SIRPD: variants seen among roughly 807,000 people sequenced by gnomAD.
SIRPD encodes signal regulatory protein delta.
In SIRPD, 21 loss-of-function variants were observed where a neutral mutation model predicts 18.0. The observed-to-expected ratio is 1.17, with a 90% CI of 0.83 to 1.68. The LOEUF (loss-of-function observed/expected upper bound fraction) is 1.68. Among genes scored for constraint, SIRPD ranks in the 40% most tolerant of loss-of-function variants. The pLI is 0.00. For synonymous variants in SIRPD, 106 were observed against 92.9 expected (o/e 1.14, Z -0.81); for missense variants, 295 against 238.4 (o/e 1.24, Z -1.56).
chr20:1,549,265 T>A (rs1290138306), intron 2 of SIRPD, among the ~76,000 whole-genome samples: 1 of 152,212 alleles, frequency 6.6e-6, no homozygotes, highest in Non-Finnish European at 1.5e-5. Context: ...TATTTAATCA[T>A]GGTTTGTTTA....
chr20:1,537,348 A>T, intron 2 of SIRPD, 38 bp from the exon 3 acceptor site: 2 of 1,593,052 alleles, frequency 1.3e-6, no homozygotes, highest in Non-Finnish European at 8.6e-7. Flanking sequence ...CCATGATATA[A>T]GAGGAAGTTA....
At chr20:1,549,349 A>T (rs923861483) in intron 2 of SIRPD, among the ~76,000 whole-genome samples, 1 of 148,822 alleles carries the variant, frequency 6.7e-6, no homozygotes, top group African/African-American at 2.5e-5. Flanking sequence ...TCTGATGGCC[A>T]TAACAAGCAG....
intron 1 of SIRPD, among the ~76,000 whole-genome samples, chr20:1,555,349 C>T (rs1057142736): frequency 6.6e-6 from 1 of 152,024 alleles, no homozygotes; most frequent in Non-Finnish European, 1.5e-5. Flanking sequence ...GAGAGTTGGA[C>T]AAGGAAATGG....
intron 2 of SIRPD, among the ~76,000 whole-genome samples, chr20:1,546,102 A>G (rs562004089): frequency 6.6e-6 from 1 of 152,290 alleles, no homozygotes; most frequent in South Asian, 2.1e-4. Flanking sequence ...GGGGTCAGCG[A>G]CCCACTTGAG....
intron 1 of SIRPD, among the ~76,000 whole-genome samples, chr20:1,555,284 AG>A (rs931469391): frequency 1.3e-5 from 2 of 152,224 alleles, no homozygotes; most frequent in Admixed American, 1.3e-4. Context: ...AATCCAAAAA[AG>A]TCAAACTCAA....
intron 1 of SIRPD, among the ~76,000 whole-genome samples, chr20:1,554,521 G>A (rs1340049188): frequency 2.0e-5 from 3 of 152,032 alleles, no homozygotes; most frequent in East Asian, 1.9e-4. Flanking sequence ...CGGGATATGA[G>A]GATGGCCTGC....
chr20:1,548,977 C>T (rs1296029290), intron 2 of SIRPD, among the ~76,000 whole-genome samples: 1 of 152,034 alleles, frequency 6.6e-6, no homozygotes, highest in East Asian at 1.9e-4. Context: ...ATGCGGTGTG[C>T]TTAATGATGG....
intron 1 of SIRPD, among the ~76,000 whole-genome samples, chr20:1,553,399 C>T (rs1039695854): frequency 1.3e-5 from 2 of 152,068 alleles, no homozygotes; most frequent in African/African-American, 4.8e-5. Flanking sequence ...TTCTACCTGC[C>T]TGAAGAGCCC....
chr20:1,537,246 A>T lies in SIRPD; in HGVS notation c.486T>A (p.Asp162Glu). The change falls in exon 3 of 4, where the codon GAT becomes GAA. Residue 162 changes from aspartate to glutamate, a missense_variant. By Grantham distance (45) the Asp-to-Glu change is conservative. Coordinates refer to ENST00000381623, the MANE Select transcript of SIRPD (RefSeq NM_178460.3). Reference protein sequence around the residue: ...AGRAGSRAHHDAHTCLSALPE... With the variant: ...AGRAGSRAHHEAHTCLSALPE... ...GCAGGGCCGAGAGGCAGGTATGGGCATCATGGTGGGCCCTGGAGCCTGCTC... is the reference window on the plus strand; with the variant it reads ...GCAGGGCCGAGAGGCAGGTATGGGCTTCATGGTGGGCCCTGGAGCCTGCTC... 6.2e-7 allele frequency: 1 copy of T among 1,614,146 alleles called. No individual in the cohort carries two copies. Among genetic ancestry groups the T allele is most frequent in the Non-Finnish European group, 8.5e-7 (1 of 1,180,012 alleles).
chr20:1,546,232 C>G (rs897546213), intron 2 of SIRPD, among the ~76,000 whole-genome samples: 2 of 152,220 alleles, frequency 1.3e-5, no homozygotes, highest in East Asian at 1.9e-4. Flanking sequence ...TGCCCCTTCC[C>G]CCCGGTGCTC....
intron 3 of SIRPD, among the ~76,000 whole-genome samples, chr20:1,536,334 G>A (rs2090945068): frequency 6.6e-6 from 1 of 151,330 alleles, no homozygotes; most frequent in Non-Finnish European, 1.5e-5. Context: ...GCACAGAGAA[G>A]TTGAGTAACT....
intron 2 of SIRPD, among the ~76,000 whole-genome samples, chr20:1,549,441 G>T (rs2091008684): frequency 6.8e-6 from 1 of 147,604 alleles, no homozygotes; most frequent in Non-Finnish European, 1.5e-5. Flanking sequence ...CACTTTTTTT[G>T]AAACTGGACA....
chr20:1,554,847 G>A (rs1244919180), intron 1 of SIRPD, among the ~76,000 whole-genome samples: 1 of 152,116 alleles, frequency 6.6e-6, no homozygotes, highest in Non-Finnish European at 1.5e-5. Context: ...ACTGGTTTTT[G>A]GAGTGTAGGA....
rs530650919 is a variant in SIRPD at position 1,546,091 on chromosome 20, G to A, written c.421+5600C>T. 1.4e-4 allele frequency among the ~76,000 whole-genome samples: 22 copies of A among 152,308 alleles called. No individual in the cohort carries two copies. In the South Asian group the frequency reaches 3.9e-3, roughly 27 times the overall value. On this transcript the variant is annotated intron_variant, in intron 2 of 3. Transcript: ENST00000381623. ...GAGGTGTCTCCCCATCAGGAGGCAC[G>A]GGGGTCAGCGACCCACTTGAGGAGG...
chr20:1,545,268 G>T (rs753956993), intron 2 of SIRPD, among the ~76,000 whole-genome samples: 28 of 152,078 alleles, frequency 1.8e-4, no homozygotes, highest in Non-Finnish European at 3.4e-4. Flanking sequence ...CGTAGGTTTG[G>T]TCTTTTCAAC....
At chr20:1,543,767 C>T (rs969415425) in intron 2 of SIRPD, among the ~76,000 whole-genome samples, 2 of 152,162 alleles carry the variant, frequency 1.3e-5, no homozygotes, top group African/African-American at 2.4e-5. Flanking sequence ...CTATAAATTT[C>T]CCTCTAAACA....
At chr20:1,544,150 A>T (rs1344318012) in intron 2 of SIRPD, among the ~76,000 whole-genome samples, 1 of 152,158 alleles carries the variant, frequency 6.6e-6, no homozygotes, top group Non-Finnish European at 1.5e-5. Flanking sequence ...GCTGAGTTCA[A>T]GTCCTGAATA....
intron 2 of SIRPD, among the ~76,000 whole-genome samples, chr20:1,544,688 A>T (rs909180560): frequency 2.6e-5 from 4 of 152,288 alleles, no homozygotes; most frequent in South Asian, 2.1e-4. Flanking sequence ...GTTGCCCATT[A>T]GTTGATGCAG....
chr20:1,551,841 C>T lies in SIRPD; in HGVS notation c.271G>A (p.Asp91Asn), dbSNP rs530392796. ...TCTGTGTTGCCAGGCTTGGTGGTGT[C>T]TCCAATCTCTTTTACTCTGGGAAAG... ...GNFPRVKEIG[D>N]TTKPGNTDFS... is the part of the protein sequence containing the mutation. The change falls in exon 2 of 4, where the codon GAC becomes AAC. Residue 91 changes from aspartate (D) to asparagine (N), a missense_variant. Asp to Asn is a conservative substitution (Grantham distance 23). Transcript: ENST00000381623. 3.4e-5 allele frequency: 55 copies of T among 1,614,104 alleles called. No homozygotes were observed. In the South Asian group the frequency reaches 4.7e-4, roughly 14 times the overall value.
Sources: gnomAD v4.1 joint callset for allele counts (sites outside exome capture counted in the v4.1 genomes callset) on GRCh38, gnomAD v4.1.1 for gene constraint, MANE v1.5 for transcripts, NCBI Gene and HGNC (gene_info 2026-07-23, HGNC 2026-07-21) for gene names.